The following LEMD2 variants were observed in gnomAD, a reference collection of about 807,000 sequenced individuals.
LEMD2 encodes LEM domain nuclear envelope protein 2.
In LEMD2, 34 loss-of-function variants were observed where a neutral mutation model predicts 58.8. The observed-to-expected ratio is 0.58, with a 90% CI of 0.44 to 0.77. The LOEUF (loss-of-function observed/expected upper bound fraction) is 0.77. LEMD2 is among the 30% of genes least tolerant of loss of function. The pLI, the probability that LEMD2 is intolerant of heterozygous loss-of-function variation, is 0.00. For synonymous variants in LEMD2, 298 were observed against 308.9 expected, an observed-to-expected ratio of 0.96 and a Z score of 0.37; for missense variants, 629 against 717.9, an observed-to-expected ratio of 0.88 and a Z score of 1.42.
chr6:33,788,507 GC>G lies in LEMD2; in HGVS notation c.609del (p.Arg204AlafsTer16). 1 of 1,538,974 alleles carries G rather than the reference GC, an allele frequency of 6.5e-7. No homozygotes were observed. ...CGAGAGAGCCAGCGCTCCAGCCGGC[GC>G]CCCACCTCAGGCCGGGCCCTCGCCG... ...AGAARARPEVGRRLERWLSRL... is the reference protein window; with the variant it reads ...AGAARARPEVXRRLERWLSRL... On this transcript the variant is annotated frameshift_variant, in exon 1 of 9. Transcript: ENST00000293760. LOFTEE classifies it high-confidence loss of function.
intron 8 of LEMD2, chr6:33,776,674 T>C: frequency 2.2e-6 from 1 of 457,070 alleles, no homozygotes; most frequent in South Asian, 2.3e-5. Context: ...GGAGCTGCTA[T>C]TACTTGGAGC....
chr6:33,773,992 G>A (rs1767369476), intron 8 of LEMD2, among the ~76,000 whole-genome samples: 1 of 152,218 alleles, frequency 6.6e-6, no homozygotes, highest in African/African-American at 2.4e-5. Flanking sequence ...GGCTACCTGA[G>A]TGGCAGCAGC....
Position 33,771,567 on chromosome 6 carries a change from A to G in LEMD2, c.*1061T>C, listed in dbSNP as rs1767292177. 1 of 152,228 alleles carries G rather than the reference A, an allele frequency of 6.6e-6. No individual in the cohort carries two copies. The highest frequency in any genetic ancestry group is 1.5e-5 in the Non-Finnish European group (1 of 68,026). The allele number at this position is 152,228 out of a possible 1,614,324, so 9.4% of individuals were successfully genotyped here. On this transcript the variant is annotated 3_prime_UTR_variant, in exon 9 of 9. Transcript: ENST00000293760. ...TCGCTGGAGAGGCTTCTCGCACTTA[A>G]TAAGGCCCCCCGTCGGGGTGCTTCT...
chr6:33,778,159 C>A lies in LEMD2; in HGVS notation c.1156+83G>T. ...ACTAGACAGAAATGAACCCTCCGGG[C>A]CTGGAATTTCTATAGCTCATCATTC... On this transcript the variant is annotated intron_variant, in intron 6 of 8. Coordinates refer to ENST00000293760, the MANE Select transcript of LEMD2 (RefSeq NM_181336.4). This position sits in a 1 kb window ranked among gnomAD's most constrained non-coding sequence, Gnocchi z 4.7. 7.4e-7 allele frequency: 1 copy of A among 1,359,286 alleles called. No homozygotes were observed. The highest frequency in any genetic ancestry group is 9.8e-7 in the Non-Finnish European group (1 of 1,020,612). The allele number at this position is 1,359,286 out of a possible 1,614,324, so 84.2% of individuals were successfully genotyped here.
chr6:33,780,585 GT>G (rs140826190), intron 4 of LEMD2, among the ~76,000 whole-genome samples: 32,657 of 152,092 alleles, frequency 0.21, 3,740 homozygotes, highest in Admixed American at 0.29. Flanking sequence ...CCAGGCCTCA[GT>G]TTCTTCATCT....
At chr6:33,774,847 C>A (rs1475525437) in intron 8 of LEMD2, among the ~76,000 whole-genome samples, 1 of 152,228 alleles carries the variant, frequency 6.6e-6, no homozygotes, top group Non-Finnish European at 1.5e-5. Flanking sequence ...CATCTGTCTC[C>A]TTCCTGAGAA....
chr6:33,780,441 C>A (rs781711532), intron 4 of LEMD2: 2 of 503,256 alleles, frequency 4.0e-6, no homozygotes, highest in Non-Finnish European at 7.3e-6. Context: ...ATGATTCTCT[C>A]GAGGATGGAA....
chr6:33,786,475 A>G (rs1388962084), intron 2 of LEMD2, among the ~76,000 whole-genome samples: 2 of 152,212 alleles, frequency 1.3e-5, no homozygotes, highest in Non-Finnish European at 1.5e-5. Flanking sequence ...GGCAGATCAA[A>G]GTCCCCGATG....
Position 33,778,201 on chromosome 6 carries a change from T to C in LEMD2, c.1156+41A>G. 1.3e-6 allele frequency: 2 copies of C among 1,531,628 alleles called. No individual in the cohort carries two copies. The highest frequency in any genetic ancestry group is 8.8e-7 in the Non-Finnish European group (1 of 1,135,172). The allele number at this position is 1,531,628 out of a possible 1,614,324, so 94.9% of individuals were successfully genotyped here. ...TCATCATTCATGCCTAGGAGTATGCTTGACTGCACAGAAGGGGAGGGAAGG... is the reference window on the plus strand; with the variant it reads ...TCATCATTCATGCCTAGGAGTATGCCTGACTGCACAGAAGGGGAGGGAAGG... On this transcript the variant is annotated intron_variant, in intron 6 of 8. Coordinates refer to ENST00000293760, the MANE Select transcript of LEMD2 (RefSeq NM_181336.4). The surrounding 1 kb of genome is among the most constrained non-coding windows in gnomAD (Gnocchi z 4.7).
At chr6:33,780,043 G>A (rs1334729515) in intron 5 of LEMD2, 57 bp downstream of exon 5, 23 of 1,410,008 alleles carry the variant, frequency 1.6e-5, no homozygotes, top group South Asian at 2.5e-5. Context: ...GTTAGCTGAC[G>A]AGCGAGGACA....
At chr6:33,782,854 C>T (rs1278728250) in intron 3 of LEMD2, among the ~76,000 whole-genome samples, 1 of 152,168 alleles carries the variant, frequency 6.6e-6, no homozygotes, top group African/African-American at 2.4e-5. Flanking sequence ...TACTAGGGAG[C>T]CTCTGTGAGG....
chr6:33,788,251 G>A (rs1767727812), intron 1 of LEMD2, 130 bp downstream of exon 1: 2 of 972,778 alleles, frequency 2.1e-6, no homozygotes, highest in African/African-American at 1.7e-5. Flanking sequence ...AGGCAGGCCT[G>A]GAAATGAGAA....
At position 33,772,448 on chromosome 6, in the gene LEMD2, C is replaced by A. The variant is rs1001143148; in HGVS notation, c.*180G>T. The A allele has an allele frequency of 3.6e-6, 2 of 558,012 alleles. No homozygotes were observed. The highest frequency in any genetic ancestry group is 6.2e-6 in the Non-Finnish European group (2 of 324,260). The allele number at this position is 558,012 out of a possible 1,614,324, so 34.6% of individuals were successfully genotyped here. On this transcript the variant is annotated 3_prime_UTR_variant, in exon 9 of 9. Transcript: ENST00000293760. ...TCTCCCCCTCCCTTTAAAGGAAGCCCACATTTTCCTGCGAGCCGAACTCCT... is the reference window on the plus strand; with the variant it reads ...TCTCCCCCTCCCTTTAAAGGAAGCCAACATTTTCCTGCGAGCCGAACTCCT...
chr6:33,785,435 G>A (rs916973894), intron 2 of LEMD2, among the ~76,000 whole-genome samples: 6 of 152,142 alleles, frequency 3.9e-5, no homozygotes, highest in African/African-American at 7.2e-5. Flanking sequence ...GTCTGCCCAC[G>A]GAGCGCATCT....
intron 1 of LEMD2, among the ~76,000 whole-genome samples, chr6:33,787,551 C>T (rs1767707428): frequency 6.6e-6 from 1 of 152,238 alleles, no homozygotes; most frequent in African/African-American, 2.4e-5. Context: ...GTATTAGTCA[C>T]ATTCGTGCTT....
chr6:33,784,687 G>A (rs1208160729), intron 2 of LEMD2: 1 of 394,720 alleles, frequency 2.5e-6, no homozygotes, highest in African/African-American at 2.0e-5. Context: ...CTGCATCCCA[G>A]AGGCTCCTGG....
chr6:33,780,188 G>C lies in LEMD2; in HGVS notation c.931-9C>G. The C allele has an allele frequency of 1.9e-6, 3 of 1,579,096 alleles. No homozygotes were observed. The highest frequency in any genetic ancestry group is 1.2e-5 in the South Asian group (1 of 86,568). On this transcript the variant is annotated splice_polypyrimidine_tract_variant and intron_variant, in intron 4 of 8. Coordinates refer to ENST00000293760, the MANE Select transcript of LEMD2 (RefSeq NM_181336.4). The stretch of plus-strand genomic sequence containing the variant: ...GAGCTGCTGGTCACATTCTGTGGGA[G>C]GGCGCGGGAGAAGGTTAGTTCGGCG...
rs760489009 is a variant in LEMD2 at position 33,771,357 on chromosome 6, C to G, written c.*1271G>C. 4 of 152,230 alleles carry G rather than the reference C, an allele frequency of 2.6e-5. No individual in the cohort carries two copies. Among genetic ancestry groups the G allele is most frequent in the Non-Finnish European group, 4.4e-5 (3 of 68,060 alleles). The allele number at this position is 152,230 out of a possible 1,614,324, so 9.4% of individuals were successfully genotyped here. The stretch of plus-strand genomic sequence containing the variant: ...GCCAGCGCTCAGATTCCTGCCCTGC[C>G]GATCATCCAGACATCAGAGGAAATG... On this transcript the variant is annotated 3_prime_UTR_variant, in exon 9 of 9. Transcript: ENST00000293760.
At chr6:33,776,027 A>C in intron 8 of LEMD2, among the ~76,000 whole-genome samples, 1 of 151,294 alleles carries the variant, frequency 6.6e-6, no homozygotes. Context: ...GCCCTCCCCC[A>C]CCCTGGTTCT....
Sources: gnomAD v4.1 joint callset for allele counts (sites outside exome capture counted in the v4.1 genomes callset) on GRCh38, gnomAD v4.1.1 for gene constraint, Gnocchi (gnomAD v3.1) non-coding constraint, MANE v1.5 for transcripts, NCBI Gene and HGNC (gene_info 2026-07-23, HGNC 2026-07-21) for gene names.